Variants in CYFIP2 observed in about 807,000 individuals in gnomAD.
CYFIP2 encodes the protein cytoplasmic FMR1-interacting protein 2.
CYFIP2 carries 29 observed loss-of-function variants against 158.7 expected under a neutral mutation model. That is an observed-to-expected ratio of 0.18 (90% CI 0.14 to 0.25). CYFIP2 has a LOEUF of 0.25. Ranked by LOEUF, CYFIP2 falls within the 10% of genes least tolerant of loss-of-function variation. CYFIP2 has a pLI of 1.00. For missense variants in CYFIP2, 852 were observed against 1,639.5 expected, an observed-to-expected ratio of 0.52 and a Z score of 8.29; for synonymous variants, 585 against 617.6, an observed-to-expected ratio of 0.95 and a Z score of 0.78.
chr5:157,287,695 TTCCATAAACCCTGCCTGTGGC>T lies in CYFIP2; in HGVS notation c.207+594_207+614del, dbSNP rs528060293. ...CCATGTTCATAGACCCTGCCTGTGGTTCCATAAACCCTGCCTGTGGCTCCATAGACCTTTGACACTATATGT... is the reference window on the plus strand; with the variant it reads ...CCATGTTCATAGACCCTGCCTGTGGTTCCATAGACCTTTGACACTATATGT... On this transcript the variant is annotated intron_variant, in intron 3 of 30. Transcript: ENST00000620254. Among the ~76,000 whole-genome samples the T allele has an allele frequency of 1.1e-3, 168 of 152,298 alleles. 1 individual carries two copies. Among genetic ancestry groups the T allele is most frequent in the African/African-American group, 3.9e-3 (161 of 41,572 alleles).
At chr5:157,377,561 T>C (rs965644597) in intron 26 of CYFIP2, among the ~76,000 whole-genome samples, 3 of 152,214 alleles carry the variant, frequency 2.0e-5, no homozygotes, top group East Asian at 1.9e-4. Context: ...TTTTGACTTA[T>C]TTTGTCATCA....
chr5:157,318,755 T>C, intron 13 of CYFIP2, among the ~76,000 whole-genome samples: 1 of 152,180 alleles, frequency 6.6e-6, no homozygotes, highest in East Asian at 1.9e-4. Context: ...TCCAGTCTGG[T>C]GTAGAAGGTG....
intron 8 of CYFIP2, 30 bp from the exon 9 acceptor site, chr5:157,307,731 T>A: frequency 6.9e-7 from 1 of 1,449,058 alleles, no homozygotes; most frequent in South Asian, 1.2e-5. Context: ...ATGTGATTAG[T>A]TTCTATGCTC....
chr5:157,330,895 G>C, intron 20 of CYFIP2, 45 bp downstream of exon 20: 1 of 1,439,538 alleles, frequency 6.9e-7, no homozygotes, highest in Non-Finnish European at 9.8e-7. Flanking sequence ...GGGCAGGAGA[G>C]AGCAGCTGCG....
rs1757452229 is a variant in CYFIP2, at chr5:157,287,120, TGACCCACGTGTGCA to T, written c.207+16_207+29del. The T allele has an allele frequency of 6.2e-7, 1 of 1,610,892 alleles. No individual in the cohort carries two copies. The highest frequency in any genetic ancestry group is 8.5e-7 in the Non-Finnish European group (1 of 1,177,552). The stretch of plus-strand genomic sequence containing the variant: ...TCCACTCCAGCATGGTAAGTCTCTG[TGACCCACGTGTGCA>T]GACATGCTCCCTGCTGGGCTGGCAG... On this transcript the variant is annotated intron_variant, in intron 3 of 30. Transcript: ENST00000620254.
At position 157,361,280 on chromosome 5, in the gene CYFIP2, C is replaced by A; in HGVS notation, c.2909-188C>A. ...GTGTTCTGAAAAAGACATGAGCCAGCTACTCGAACTTTGTCCAGTACTGAG... is the reference window on the plus strand; with the variant it reads ...GTGTTCTGAAAAAGACATGAGCCAGATACTCGAACTTTGTCCAGTACTGAG... On this transcript the variant is annotated intron_variant, in intron 25 of 30. Transcript: ENST00000620254. The surrounding 1 kb of genome is among the most constrained non-coding windows in gnomAD (Gnocchi z 4.4). 1.6e-6 allele frequency: 1 copy of A among 608,138 alleles called. No individual in the cohort carries two copies. Among genetic ancestry groups the A allele is most frequent in the Non-Finnish European group, 2.8e-6 (1 of 352,864 alleles). The allele number at this position is 608,138 out of a possible 1,614,324, so 37.7% of individuals were successfully genotyped here. A position where few individuals can be genotyped will look rare whatever the true frequency, so the allele number is the denominator to read the frequency against.
intron 1 of CYFIP2, among the ~76,000 whole-genome samples, chr5:157,280,951 A>G (rs1014495431): frequency 3.9e-5 from 6 of 152,172 alleles, no homozygotes; most frequent in East Asian, 3.8e-4. Context: ...TTTTATTTGT[A>G]TGGTGGTTTG....
chr5:157,311,638 C>G lies in CYFIP2; in HGVS notation c.993-26C>G. Reference sequence around the variant, plus strand: ...CCCAGGCGCCTGAGGCTGGGACCCTCTCCGACCCCATAATTTTCTACCCAG... The same window carrying G: ...CCCAGGCGCCTGAGGCTGGGACCCTGTCCGACCCCATAATTTTCTACCCAG... On this transcript the variant is annotated intron_variant, in intron 10 of 30. Coordinates refer to ENST00000620254, the MANE Select transcript of CYFIP2 (RefSeq NM_001037333.3). The surrounding 1 kb of genome is among the most constrained non-coding windows in gnomAD (Gnocchi z 4.7). 1.3e-6 allele frequency: 2 copies of G among 1,576,250 alleles called. No individual in the cohort carries two copies. Among genetic ancestry groups the G allele is most frequent in the Middle Eastern group, 3.3e-4 (2 of 6,034 alleles).
chr5:157,314,539 C>T lies in CYFIP2; in HGVS notation c.1230+76C>T, dbSNP rs893958490. ...TCTGCCTCCATCTCCCCCTAGCACTCTCTTTTTAACAGATTTACGGAGTTA... is the reference window on the plus strand; with the variant it reads ...TCTGCCTCCATCTCCCCCTAGCACTTTCTTTTTAACAGATTTACGGAGTTA... On this transcript the variant is annotated intron_variant, in intron 12 of 30. Coordinates refer to ENST00000620254, the MANE Select transcript of CYFIP2 (RefSeq NM_001037333.3). 10 of 1,525,650 alleles carry T rather than the reference C, an allele frequency of 6.6e-6. No homozygotes were observed. In the Admixed American group the frequency reaches 2.1e-4, roughly 33 times the overall value. 94.5% of individuals were successfully genotyped at this position (1,525,650 alleles called of 1,614,324 possible).
At chr5:157,290,081 C>T (rs1047778506) in intron 3 of CYFIP2, among the ~76,000 whole-genome samples, 1 of 152,160 alleles carries the variant, frequency 6.6e-6, no homozygotes, top group Non-Finnish European at 1.5e-5. Flanking sequence ...ACTGAGTTCC[C>T]AGGAAGACCA....
intron 23 of CYFIP2, among the ~76,000 whole-genome samples, chr5:157,348,482 G>A (rs1054547874): frequency 6.6e-6 from 1 of 152,142 alleles, no homozygotes; most frequent in African/African-American, 2.4e-5. Flanking sequence ...CAAAATTGCG[G>A]CTCACTGCAA....
chr5:157,337,757 T>A (rs902365105), intron 21 of CYFIP2, among the ~76,000 whole-genome samples: 1 of 152,252 alleles, frequency 6.6e-6, no homozygotes, highest in Non-Finnish European at 1.5e-5. Flanking sequence ...CACCCGGCCA[T>A]GCTCTGATGA....
Position 157,304,373 on chromosome 5 carries a change from CT to C in CYFIP2, c.795+8del. On this transcript the variant is annotated splice_region_variant and intron_variant, in intron 8 of 30. Transcript: ENST00000620254. The stretch of plus-strand genomic sequence containing the variant: ...GAAACATATGCTCCTCAAGGTAAAA[CT>C]CCCCTGAGGCCGCACCCATGGAGCC... The C allele has an allele frequency of 1.2e-6, 2 of 1,612,540 alleles. No homozygotes were observed. The highest frequency in any genetic ancestry group is 1.7e-6 in the Non-Finnish European group (2 of 1,178,876).
chr5:157,302,965 C>T (rs1455711729), intron 7 of CYFIP2, 75 bp downstream of exon 7: 27 of 1,174,864 alleles, frequency 2.3e-5, no homozygotes, highest in Non-Finnish European at 3.1e-5. Flanking sequence ...TTGGGTGGAC[C>T]ACGAGCCCAA....
Position 157,333,307 on chromosome 5 carries a change from C to T in CYFIP2, c.2266-20C>T. The T allele has an allele frequency of 3.5e-6, 5 of 1,420,548 alleles. No individual in the cohort carries two copies. The highest frequency in any genetic ancestry group is 3.8e-6 in the Non-Finnish European group (4 of 1,046,780). 88.0% of individuals were successfully genotyped at this position (1,420,548 alleles called of 1,614,324 possible). A position where few individuals can be genotyped will look rare whatever the true frequency, so the allele number is the denominator to read the frequency against. ...CCAGTGTGAATTTTAAGTAACTTTT[C>T]TCTCTCTCTCTTCATCCAGCTGTTG... On this transcript the variant is annotated intron_variant, in intron 20 of 30. Coordinates refer to ENST00000620254, the MANE Select transcript of CYFIP2 (RefSeq NM_001037333.3).
Position 157,389,323 on chromosome 5 carries a change from C to T in CYFIP2, c.3342C>T (p.Thr1114=). The stretch of plus-strand genomic sequence containing the variant: ...CCATCTGGCGGGGCCCACCGCCCAC[C>T]AATGGCGTCATGCACGTCGATGAGT... The part of the protein sequence containing the change: ...QDPIWRGPPP[T]NGVMHVDECV... Residue 1114 remains threonine, a synonymous_variant, in exon 29 of 31, where the codon ACC becomes ACT. Transcript: ENST00000620254. The T allele has an allele frequency of 6.2e-7, 1 of 1,614,032 alleles. No individual in the cohort carries two copies. The highest frequency in any genetic ancestry group is 8.5e-7 in the Non-Finnish European group (1 of 1,179,880).
chr5:157,323,914 T>G lies in CYFIP2; in HGVS notation c.1672-7T>G. The G allele has an allele frequency of 6.4e-7, 1 of 1,554,478 alleles. No homozygotes were observed. The highest frequency in any genetic ancestry group is 8.7e-7 in the Non-Finnish European group (1 of 1,145,742). ...TCTGACCTTCTCATCTTGCTTTCTTTTTCAAGCTGTACATGGTGCGGACCA... is the reference window on the plus strand; with the variant it reads ...TCTGACCTTCTCATCTTGCTTTCTTGTTCAAGCTGTACATGGTGCGGACCA... On this transcript the variant is annotated splice_polypyrimidine_tract_variant and splice_region_variant and intron_variant, in intron 15 of 30. Transcript: ENST00000620254.
At chr5:157,326,554 C>T (rs1283764455) in intron 18 of CYFIP2, among the ~76,000 whole-genome samples, 9 of 152,234 alleles carry the variant, frequency 5.9e-5, no homozygotes, top group Non-Finnish European at 1.2e-4. Context: ...CCTGCCAACT[C>T]TGCTCAAAAA....
chr5:157,302,649 A>G, intron 6 of CYFIP2, 145 bp from the exon 7 acceptor site: 2 of 609,562 alleles, frequency 3.3e-6, no homozygotes, highest in Non-Finnish European at 5.8e-6. Flanking sequence ...CTGTTTCGAC[A>G]TTAGTGTTGC....
Sources: allele counts gnomAD v4.1 joint callset (sites outside exome capture counted in the v4.1 genomes callset), GRCh38; gene constraint gnomAD v4.1.1; non-coding constraint Gnocchi (gnomAD v3.1); transcripts MANE v1.5; gene names NCBI Gene and HGNC (gene_info 2026-07-23, HGNC 2026-07-21).